Variants in ILDR2 observed in about 807,000 individuals in gnomAD.
ILDR2 encodes immunoglobulin-like domain-containing receptor 2.
A neutral mutation model predicts 66.8 loss-of-function variants in ILDR2; 25 were observed. The observed-to-expected ratio is 0.37, with a 90% confidence interval of 0.27 to 0.52. The LOEUF is 0.52. Among genes scored for constraint, ILDR2 ranks in the 20% least tolerant of loss-of-function variants. The pLI, the probability that ILDR2 is intolerant of heterozygous loss-of-function variation, is 0.88. For missense variants in ILDR2, 827 were observed against 876.8 expected (o/e 0.94, Z 0.72); for synonymous variants, 367 against 357.2 (o/e 1.03, Z -0.31).
chr1:166,957,512 G>A (rs1158707072), intron 2 of ILDR2, among the ~76,000 whole-genome samples: 2 of 152,268 alleles, frequency 1.3e-5, no homozygotes, highest in East Asian at 1.9e-4. Flanking sequence ...CCTGAGGCTT[G>A]ATGCTGGGCT....
chr1:166,964,345 C>T (rs758950733), intron 1 of ILDR2, among the ~76,000 whole-genome samples: 5 of 152,256 alleles, frequency 3.3e-5, no homozygotes, highest in Admixed American at 1.3e-4. Context: ...TGAAACACTA[C>T]GCTAAGTTCT....
chr1:166,972,221 A>G (rs373749782), intron 1 of ILDR2, among the ~76,000 whole-genome samples: 10 of 152,130 alleles, frequency 6.6e-5, no homozygotes, highest in African/African-American at 2.2e-4. Flanking sequence ...CTCAAAAAAA[A>G]AAAAGAAAAG....
At position 166,975,358 on chromosome 1, in the gene ILDR2, G is replaced by A. The variant is rs987204430; in HGVS notation, c.-90C>T. 33 of 1,118,760 alleles carry A rather than the reference G, an allele frequency of 2.9e-5. No homozygotes were observed. In the Admixed American group the frequency reaches 4.9e-4, roughly 17 times the overall value. 69.3% of individuals were successfully genotyped at this position (1,118,760 alleles called of 1,614,324 possible). On this transcript the variant is annotated 5_prime_UTR_variant, in exon 1 of 10. Transcript: ENST00000271417. ...CGCTGTCACCCCGCGGCAGCGGGCG[G>A]CGGCGGAGCGGCGGGCACCGGGCGT...
At position 166,931,936 on chromosome 1, in the gene ILDR2, C is replaced by T. The variant is rs369745528; in HGVS notation, c.880+3365G>A. Among the ~76,000 whole-genome samples, 6 of 152,112 alleles carry T rather than the reference C, an allele frequency of 3.9e-5. No homozygotes were observed. In the East Asian group the frequency reaches 7.7e-4, roughly 20 times the overall value. On this transcript the variant is annotated intron_variant, in intron 6 of 9. Transcript: ENST00000271417. Reference sequence around the variant, plus strand: ...TGCAAAACACCCAGGTGGAGATGTCCAGAAGACAGTTGGATATACGGTATT... The same window carrying T: ...TGCAAAACACCCAGGTGGAGATGTCTAGAAGACAGTTGGATATACGGTATT...
At chr1:166,905,173 C>T (rs1372234527), downstream of ILDR2, among the ~76,000 whole-genome samples, 1 of 152,130 alleles carries the variant, frequency 6.6e-6, no homozygotes, top group Non-Finnish European at 1.5e-5. Flanking sequence ...TGGTTATACT[C>T]AAAATCTATT....
intron 6 of ILDR2, among the ~76,000 whole-genome samples, chr1:166,931,348 T>G (rs1660629355): frequency 1.3e-5 from 2 of 152,216 alleles, no homozygotes; most frequent in South Asian, 4.1e-4. Flanking sequence ...AAGCTGTTTA[T>G]GGATGATGGA....
chr1:166,958,881 T>C (rs1662442541), intron 1 of ILDR2, among the ~76,000 whole-genome samples: 2 of 152,196 alleles, frequency 1.3e-5, no homozygotes, highest in Non-Finnish European at 2.9e-5. Context: ...CTGATTGTTA[T>C]GGCTCTCTTT....
intron 1 of ILDR2, among the ~76,000 whole-genome samples, chr1:166,964,511 A>T (rs1369828832): frequency 6.6e-6 from 1 of 152,246 alleles, no homozygotes; most frequent in Admixed American, 6.5e-5. Context: ...AAGCTAAAAA[A>T]TGTGGAATGA....
intron 3 of ILDR2, among the ~76,000 whole-genome samples, chr1:166,953,116 G>A (rs934215874): frequency 8.5e-5 from 13 of 152,074 alleles, no homozygotes; most frequent in Admixed American, 3.3e-4. Context: ...TTACTTTGGA[G>A]AATTAATTCT....
At chr1:166,962,457 T>A (rs900052396) in intron 1 of ILDR2, among the ~76,000 whole-genome samples, 1 of 152,208 alleles carries the variant, frequency 6.6e-6, no homozygotes. Context: ...TTGTTTCCTA[T>A]ACCTTCATGC....
At chr1:166,951,646 A>G (rs1409349984) in intron 3 of ILDR2, among the ~76,000 whole-genome samples, 1 of 152,212 alleles carries the variant, frequency 6.6e-6, no homozygotes, top group East Asian at 1.9e-4. Context: ...ACAATATTAA[A>G]ATGACACAAA....
In ILDR2 at chr1:166,920,827, G is replaced by T; in HGVS notation, c.1764C>A (p.Asp588Glu). Reference sequence around the variant, plus strand: ...GCTCGCTGTAGGGCGGCAGCGCGTCGTCGGACGCGTCCTCCTGGTCGTCCT... The same window carrying T: ...GCTCGCTGTAGGGCGGCAGCGCGTCTTCGGACGCGTCCTCCTGGTCGTCCT... ...SSQDDQEDASDDALPPYSELE... is the reference protein window; with the variant it reads ...SSQDDQEDASEDALPPYSELE... Residue 588 changes from aspartate (D) to glutamate (E), a missense_variant, in exon 9 of 10, where the codon GAC becomes GAA. Asp to Glu is a conservative substitution (Grantham distance 45). This residue lies in a region of ILDR2 where 390 missense variants were observed against 353.6 expected (regional missense o/e 1.10). Coordinates refer to ENST00000271417, the MANE Select transcript of ILDR2 (RefSeq NM_199351.3). The T allele has an allele frequency of 6.6e-7, 1 of 1,519,524 alleles. No individual in the cohort carries two copies. Among genetic ancestry groups the T allele is most frequent in the Non-Finnish European group, 8.8e-7 (1 of 1,136,974 alleles). The allele number at this position is 1,519,524 out of a possible 1,614,324, so 94.1% of individuals were successfully genotyped here.
chr1:166,969,492 G>C (rs960227373), intron 1 of ILDR2, among the ~76,000 whole-genome samples: 2 of 152,218 alleles, frequency 1.3e-5, no homozygotes, highest in Non-Finnish European at 2.9e-5. Context: ...GAGCACAGCA[G>C]CAGCCCCTAG....
intron 3 of ILDR2, 115 bp from the exon 4 acceptor site, chr1:166,939,685 T>C (rs1661201245): frequency 6.6e-6 from 5 of 756,380 alleles, no homozygotes; most frequent in Non-Finnish European, 1.2e-5. Flanking sequence ...TGCATGCTCT[T>C]TGTGATATGA....
Position 166,919,323 on chromosome 1 carries a change from AT to A in ILDR2, c.*31del. ...GTCTTGTCCCCGTAGTCCATGTCTG[AT>A]TTCTCATTATCCAGAGAAATGTTGA... On this transcript the variant is annotated 3_prime_UTR_variant, in exon 10 of 10. Transcript: ENST00000271417. 6.2e-7 allele frequency: 1 copy of A among 1,603,332 alleles called. No homozygotes were observed. Among genetic ancestry groups the A allele is most frequent in the Non-Finnish European group, 8.5e-7 (1 of 1,171,110 alleles).
At chr1:166,963,253 A>C (rs1335472855) in intron 1 of ILDR2, among the ~76,000 whole-genome samples, 2 of 152,258 alleles carry the variant, frequency 1.3e-5, no homozygotes. Flanking sequence ...ACTAGAAAAT[A>C]GCTGTAAAAT....
chr1:166,939,118 G>A (rs1003161705), intron 4 of ILDR2, among the ~76,000 whole-genome samples: 1 of 152,198 alleles, frequency 6.6e-6, no homozygotes, highest in Non-Finnish European at 1.5e-5. Flanking sequence ...GCAATTCAGA[G>A]TAACATGGTT....
intron 3 of ILDR2, among the ~76,000 whole-genome samples, chr1:166,941,953 G>A (rs935000500): frequency 8.5e-5 from 13 of 152,268 alleles, no homozygotes; most frequent in African/African-American, 2.9e-4. Context: ...ATTATATAGA[G>A]CATGTTATAT....
At chr1:166,965,754 T>A (rs1662914379) in intron 1 of ILDR2, among the ~76,000 whole-genome samples, 1 of 150,392 alleles carries the variant, frequency 6.6e-6, no homozygotes, top group African/African-American at 2.5e-5. Context: ...TTTTTTTTTT[T>A]AGTAGAGGTG....
Sources: gnomAD v4.1 joint callset for allele counts (sites outside exome capture counted in the v4.1 genomes callset) on GRCh38, gnomAD v4.1.1 for gene constraint, gnomAD v4.1.1 regional missense constraint, MANE v1.5 for transcripts, NCBI Gene and HGNC (gene_info 2026-07-23, HGNC 2026-07-21) for gene names.